The following LONRF3 variants were observed in gnomAD, a reference collection of about 807,000 sequenced individuals.
LONRF3 encodes LON peptidase N-terminal domain and RING finger protein 3.
Under a neutral mutation model 51.7 loss-of-function variants are expected in LONRF3, and 19 were observed. The ratio of observed to expected loss-of-function variants is 0.37; its 90% CI spans 0.26 to 0.54. The LOEUF is 0.54. Ranked by LOEUF, LONRF3 falls within the 20% of genes least tolerant of loss-of-function variation. The pLI, the probability that LONRF3 is intolerant of heterozygous loss-of-function variation, is 0.86. For missense variants in LONRF3, 521 were observed against 623.9 expected (o/e 0.84, Z 1.76); for synonymous variants, 265 against 257.8 (o/e 1.03, Z -0.27).
intron 3 of LONRF3, among the ~76,000 whole-genome samples, chrX:118,986,058 AC>A (rs1162520069): frequency 0.02 from 209 of 10,448 alleles, 2 homozygotes; most frequent in African/African-American, 0.064. Context: ...GGAAACACAC[AC>A]ACACACACAC....
chrX:118,977,917 T>C (rs771845454), intron 1 of LONRF3, among the ~76,000 whole-genome samples: 1 of 111,817 alleles, frequency 8.9e-6, no homozygotes, highest in African/African-American at 3.2e-5. Flanking sequence ...GAAAAGTAAC[T>C]TGGATTTGTC....
At chrX:118,983,680 G>C (rs1373576350) in intron 3 of LONRF3, among the ~76,000 whole-genome samples, 1 of 112,156 alleles carries the variant, frequency 8.9e-6, no homozygotes, top group African/African-American at 3.2e-5. Context: ...CCTGTAAGTT[G>C]GATTCTGACA....
intron 5 of LONRF3, among the ~76,000 whole-genome samples, chrX:118,996,921 C>CAAA (rs58609623): frequency 6.4e-5 from 4 of 62,748 alleles, no homozygotes; most frequent in African/African-American, 2.3e-4. Flanking sequence ...GACTCCATCT[C>CAAA]AAAAAAAAAA....
Position 119,009,145 on chromosome X carries a change from A to G in LONRF3, c.1550A>G (p.Tyr517Cys), listed in dbSNP as rs1187841623. The stretch of plus-strand genomic sequence containing the variant: ...ATGTAGTGCTTGGCATCAAGAAAAT[A>G]CAGCAAAAATGTAATAATGGAGGAG... Reference protein sequence around the residue: ...GLSQCLASRKYSKNVIMEELI... With the variant: ...GLSQCLASRKCSKNVIMEELI... The change falls in exon 7 of 11, where the codon TAC (tyrosine) becomes TGC (cysteine). Residue 517 changes from tyrosine (Y) to cysteine (C), a missense_variant. Tyr to Cys is a radical substitution (Grantham distance 194). This residue lies in a region of LONRF3 where 145 missense variants were observed against 247.2 expected (regional missense o/e 0.59). Coordinates refer to ENST00000371628, the MANE Select transcript of LONRF3 (RefSeq NM_001031855.3). 7 of 1,208,729 alleles carry G rather than the reference A, an allele frequency of 5.8e-6. No homozygotes were observed. The highest frequency in any genetic ancestry group is 7.8e-6 in the Non-Finnish European group (7 of 894,446).
At chrX:118,978,241 T>C in intron 1 of LONRF3, 104 bp from the exon 2 acceptor site, 1 of 523,813 alleles carries the variant, frequency 1.9e-6, no homozygotes. Context: ...AGTAGAAAAG[T>C]CCTAGAAAAC....
intron 2 of LONRF3, among the ~76,000 whole-genome samples, chrX:118,981,833 G>C (rs1015059430): frequency 5.3e-5 from 6 of 112,169 alleles, no homozygotes; most frequent in Non-Finnish European, 9.4e-5. Flanking sequence ...TGTTAGAAAG[G>C]GGGGCAGGGG....
chrX:118,975,433 A>AGCC lies in LONRF3; in HGVS notation c.665_667dup (p.Pro222dup). The AGCC allele has an allele frequency of 8.4e-7, 1 of 1,185,722 alleles. No individual in the cohort carries two copies. The highest frequency in any genetic ancestry group is 1.1e-6 in the Non-Finnish European group (1 of 883,032). On this transcript the variant is annotated inframe_insertion, in exon 1 of 11. Coordinates refer to ENST00000371628, the MANE Select transcript of LONRF3 (RefSeq NM_001031855.3). ...CGTGGAGCCCGGCGGGCTGGGCAGC[A>AGCC]GCCGCCGCCGCCGCTGCGAGTCAAC...
At chrX:119,015,561 T>C (rs898425537) in intron 10 of LONRF3, among the ~76,000 whole-genome samples, 3 of 111,881 alleles carry the variant, frequency 2.7e-5, no homozygotes, top group Non-Finnish European at 5.6e-5. Flanking sequence ...TGGGCCACGA[T>C]GAGTCAGGAC....
At chrX:119,004,843 A>G (rs1401230603) in intron 5 of LONRF3, among the ~76,000 whole-genome samples, 4 of 112,618 alleles carry the variant, frequency 3.6e-5, no homozygotes, top group Non-Finnish European at 7.5e-5. Flanking sequence ...CTGTTTAAAG[A>G]TAAAGCTGTT....
At chrX:119,005,913 A>G (rs1924672799) in intron 5 of LONRF3, among the ~76,000 whole-genome samples, 1 of 112,139 alleles carries the variant, frequency 8.9e-6, no homozygotes, top group Admixed American at 9.4e-5. Context: ...TGATCTAGCT[A>G]TGCCCTAAAC....
intron 2 of LONRF3, among the ~76,000 whole-genome samples, chrX:118,981,106 C>G (rs1401507466): frequency 9.0e-6 from 1 of 111,304 alleles, no homozygotes; most frequent in African/African-American, 3.3e-5. Context: ...CTATTCCAGC[C>G]ATCCAACCAG....
At chrX:119,005,744 G>A (rs1015936790) in intron 5 of LONRF3, among the ~76,000 whole-genome samples, 1 of 111,669 alleles carries the variant, frequency 9.0e-6, no homozygotes, top group Non-Finnish European at 1.9e-5. Flanking sequence ...GTGTTTGTGT[G>A]TGTGTGTTTA....
Position 118,974,748 on chromosome X carries a change from A to G in LONRF3, c.-33A>G. On this transcript the variant is annotated 5_prime_UTR_variant, in exon 1 of 11. An upstream open reading frame in the 5' UTR loses its in-frame stop. Transcript: ENST00000371628. ...TCCTTGCTTCGTGTCCCCGGTCCCTAGACGCCTCGTCTCCTCCCGTGTCCC... is the reference window on the plus strand; with the variant it reads ...TCCTTGCTTCGTGTCCCCGGTCCCTGGACGCCTCGTCTCCTCCCGTGTCCC... The G allele has an allele frequency of 8.9e-7, 1 of 1,121,563 alleles. No homozygotes were observed. The highest frequency in any genetic ancestry group is 1.2e-6 in the Non-Finnish European group (1 of 839,806). The allele number at this position is 1,121,563 out of a possible 1,213,427, so 92.4% of individuals were successfully genotyped here.
At chrX:119,016,096 G>A (rs906817636) in intron 10 of LONRF3, among the ~76,000 whole-genome samples, 5 of 111,976 alleles carry the variant, frequency 4.5e-5, no homozygotes, top group East Asian at 5.6e-4. Flanking sequence ...ATTTGGTGAC[G>A]ATCAGAGGAA....
chrX:118,977,318 G>A (rs994385830), intron 1 of LONRF3, among the ~76,000 whole-genome samples: 2 of 111,368 alleles, frequency 1.8e-5, no homozygotes, highest in Admixed American at 1.9e-4. Flanking sequence ...TCCCCCAGGG[G>A]CCAGGAAAGC....
intron 6 of LONRF3, 136 bp downstream of exon 6, chrX:119,006,371 C>T (rs1436803285): frequency 5.3e-5 from 19 of 356,165 alleles, no homozygotes; most frequent in Non-Finnish European, 4.0e-5. Flanking sequence ...CACATTACTC[C>T]CTCAAACCAT....
chrX:118,987,433 A>C (rs2147275536), intron 3 of LONRF3, among the ~76,000 whole-genome samples: 2 of 79,616 alleles, frequency 2.5e-5, no homozygotes, highest in East Asian at 8.7e-4. Context: ...ACGTGCCACC[A>C]TGCCTGGCTA....
intron 6 of LONRF3, 72 bp from the exon 7 acceptor site, chrX:119,009,054 A>G (rs969123929): frequency 3.2e-6 from 3 of 939,295 alleles, no homozygotes; most frequent in East Asian, 6.3e-5. Context: ...TTCACTGATT[A>G]CATCAGAAGT....
intron 5 of LONRF3, among the ~76,000 whole-genome samples, chrX:119,004,739 ATGGTT>A (rs987989010): frequency 3.6e-5 from 4 of 112,011 alleles, no homozygotes; most frequent in African/African-American, 1.3e-4. Context: ...GATTGTGGCG[ATGGTT>A]TCATAAGTGT....
Sources: allele counts gnomAD v4.1 joint callset (sites outside exome capture counted in the v4.1 genomes callset), GRCh38; gene constraint gnomAD v4.1.1; regional missense constraint gnomAD v4.1.1; transcripts MANE v1.5; gene names NCBI Gene and HGNC (gene_info 2026-07-23, HGNC 2026-07-21).